Variants in PHEX observed in about 807,000 individuals in gnomAD.
The protein encoded by PHEX is phosphate-regulating neutral endopeptidase PHEX.
A neutral mutation model predicts 68.0 loss-of-function variants in PHEX; 16 were observed. The observed-to-expected ratio is 0.24, with a 90% CI of 0.16 to 0.36. The LOEUF (loss-of-function observed/expected upper bound fraction) is 0.36, where lower values mean the gene tolerates loss of function less well. PHEX is among the 10% of genes least tolerant of loss of function. The pLI is 1.00. For synonymous variants in PHEX, 208 were observed against 205.1 expected (o/e 1.01, Z -0.12); for missense variants, 480 against 575.5 (o/e 0.83, Z 1.70).
intron 9 of PHEX, among the ~76,000 whole-genome samples, chrX:22,100,399 A>G (rs1395400248): frequency 8.9e-6 from 1 of 112,045 alleles, no homozygotes; most frequent in Non-Finnish European, 1.9e-5. Context: ...CTTTGTAAGT[A>G]CTTCCTAGCT....
chrX:22,215,431 C>G (rs1935056270), intron 16 of PHEX, among the ~76,000 whole-genome samples: 1 of 111,193 alleles, frequency 9.0e-6, no homozygotes, highest in Non-Finnish European at 1.9e-5. Context: ...TTTCTGCTCA[C>G]AGTGGTCAGC....
At chrX:22,076,275 TTGTC>T (rs1475028160) in intron 3 of PHEX, 109 bp from the exon 4 acceptor site, 2 of 543,601 alleles carry the variant, frequency 3.7e-6, no homozygotes, top group Admixed American at 2.7e-5. Flanking sequence ...TTTTCCAGGG[TTGTC>T]TGTCTTTGTA....
At chrX:22,122,303 G>A (rs145893675) in intron 11 of PHEX, among the ~76,000 whole-genome samples, 1,343 of 110,881 alleles carry the variant, frequency 0.012, 21 homozygotes, top group African/African-American at 0.042. Context: ...CTAAATGCCC[G>A]TTTCTGTTTG....
intron 6 of PHEX, among the ~76,000 whole-genome samples, chrX:22,091,732 T>C (rs1270254902): frequency 8.9e-6 from 1 of 112,197 alleles, no homozygotes; most frequent in Non-Finnish European, 1.9e-5. Flanking sequence ...TATTAGTCCA[T>C]TCTTTTTCTC....
intron 13 of PHEX, among the ~76,000 whole-genome samples, chrX:22,173,249 C>G (rs1933596589): frequency 8.9e-6 from 1 of 112,107 alleles, no homozygotes; most frequent in African/African-American, 3.2e-5. Flanking sequence ...AGGTGGGACA[C>G]CCTGGTGCCC....
At chrX:22,213,023 G>A (rs1377839063) in intron 16 of PHEX, 65 bp downstream of exon 16, 1 of 871,295 alleles carries the variant, frequency 1.1e-6, no homozygotes, top group Non-Finnish European at 1.7e-6. Flanking sequence ...TTTGGTAGAG[G>A]ACAGAAGAAA....
intron 10 of PHEX, among the ~76,000 whole-genome samples, chrX:22,112,838 GGCT>G (rs1931038705): frequency 9.0e-6 from 1 of 110,783 alleles, no homozygotes; most frequent in Admixed American, 9.6e-5. Context: ...GGGAGGCGGA[GGCT>G]ACAGTGAACT....
chrX:22,237,098 G>A (rs1304036421), intron 20 of PHEX, among the ~76,000 whole-genome samples: 2 of 112,230 alleles, frequency 1.8e-5, no homozygotes, highest in Non-Finnish European at 3.8e-5. Flanking sequence ...CTGCTTATAA[G>A]GAGTAAAATT....
At chrX:22,170,378 C>T (rs1031840422) in intron 13 of PHEX, among the ~76,000 whole-genome samples, 1 of 111,053 alleles carries the variant, frequency 9.0e-6, no homozygotes, top group Admixed American at 9.6e-5. Flanking sequence ...GTCAAAGTGC[C>T]TGGAGTAAAA....
intron 12 of PHEX, among the ~76,000 whole-genome samples, chrX:22,144,767 G>T (rs1171018820): frequency 4.7e-5 from 5 of 106,200 alleles, no homozygotes; most frequent in African/African-American, 1.0e-4. Context: ...AAAAATGGTT[G>T]ATTTGAATCA....
intron 13 of PHEX, among the ~76,000 whole-genome samples, chrX:22,170,073 G>A (rs1203899219): frequency 2.7e-5 from 3 of 112,015 alleles, no homozygotes; most frequent in Non-Finnish European, 5.6e-5. Context: ...ACTCAAGCGT[G>A]AATTTCTACC....
In PHEX at chrX:22,055,174, C is replaced by CAAAAAAAAAAAAAAAAAA. The variant is rs111628195; in HGVS notation, c.349+7987_349+8004dup. Among the ~76,000 whole-genome samples, 82 of 66,074 alleles carry CAAAAAAAAAAAAAAAAAA rather than the reference C, an allele frequency of 1.2e-3. 7 individuals carry two copies. The highest frequency in any genetic ancestry group is 1.7e-3 in the Non-Finnish European group (57 of 33,160). 57.4% of individuals were successfully genotyped at this position (66,074 alleles called of 115,157 possible). The stretch of plus-strand genomic sequence containing the variant: ...CGGGCAACAGAGAGAGACTCCAGCT[C>CAAAAAAAAAAAAAAAAAA]AAAAAAAAAAAAAAAAAAAAAAAAA... On this transcript the variant is annotated intron_variant, in intron 3 of 21. Coordinates refer to ENST00000379374, the MANE Select transcript of PHEX (RefSeq NM_000444.6).
At chrX:22,144,999 G>C (rs1188233875) in intron 12 of PHEX, among the ~76,000 whole-genome samples, 1 of 111,548 alleles carries the variant, frequency 9.0e-6, no homozygotes, top group Non-Finnish European at 1.9e-5. Flanking sequence ...GTTCTATCTA[G>C]AGGTTTGATT....
intron 3 of PHEX, among the ~76,000 whole-genome samples, chrX:22,050,557 T>G (rs1602254397): frequency 1.2e-5 from 1 of 85,185 alleles, no homozygotes; most frequent in African/African-American, 5.0e-5. Flanking sequence ...GGCGACAGAG[T>G]GAGACTTCAT....
At chrX:22,210,593 CTGAG>C (rs1391481896) in intron 15 of PHEX, among the ~76,000 whole-genome samples, 11 of 110,910 alleles carry the variant, frequency 9.9e-5, no homozygotes, top group Admixed American at 7.7e-4. Flanking sequence ...GTATATATAT[CTGAG>C]TGAGAATGAC....
In PHEX at chrX:22,232,596, C is replaced by CTTTTTTTT. The variant is rs745474280; in HGVS notation, c.2070+5008_2070+5015dup. Reference sequence around the variant, plus strand: ...TCAGAGATTAGGATTGCCACTTCTGCTTTTTTTTTTTTTTTTTTTTTTTTT... The same window carrying CTTTTTTTT: ...TCAGAGATTAGGATTGCCACTTCTGCTTTTTTTTTTTTTTTTTTTTTTTTTTTTTTTTT... On this transcript the variant is annotated intron_variant, in intron 20 of 21. Coordinates refer to ENST00000379374, the MANE Select transcript of PHEX (RefSeq NM_000444.6). Among the ~76,000 whole-genome samples the CTTTTTTTT allele has an allele frequency of 3.8e-3, 70 of 18,541 alleles. 11 individuals are homozygous for CTTTTTTTT. The highest frequency in any genetic ancestry group is 4.6e-3 in the Non-Finnish European group (45 of 9,726). The allele number at this position is 18,541 out of a possible 115,157, so 16.1% of individuals were successfully genotyped here.
chrX:22,207,875 G>C (rs1934759987), intron 15 of PHEX, among the ~76,000 whole-genome samples: 1 of 110,877 alleles, frequency 9.0e-6, no homozygotes, highest in Admixed American at 9.7e-5. Context: ...TGAAAATCCA[G>C]GGGGTATTTT....
chrX:22,240,077 G>A (rs187658484), intron 20 of PHEX, among the ~76,000 whole-genome samples: 141 of 112,138 alleles, frequency 1.3e-3, no homozygotes, highest in African/African-American at 4.2e-3. Flanking sequence ...GAGAGAGGGG[G>A]CAAGTATTCA....
At chrX:22,103,300 TTTTTTA>T (rs757748989) in intron 9 of PHEX, among the ~76,000 whole-genome samples, 2 of 111,748 alleles carry the variant, frequency 1.8e-5, no homozygotes, top group Non-Finnish European at 1.9e-5. Context: ...TCATTTCTTA[TTTTTTA>T]TTTTTATTTT....
Sources: allele counts gnomAD v4.1 joint callset (sites outside exome capture counted in the v4.1 genomes callset), GRCh38; gene constraint gnomAD v4.1.1; transcripts MANE v1.5; gene names NCBI Gene and HGNC (gene_info 2026-07-23, HGNC 2026-07-21).